Variants in METTL15 observed in about 807,000 individuals in gnomAD.
The protein encoded by METTL15 is 12S rRNA N(4)-cytidine methyltransferase METTL15.
METTL15 carries 34 observed loss-of-function variants against 38.3 expected under a neutral mutation model. That is an observed-to-expected ratio of 0.89 (90% CI 0.68 to 1.18). The LOEUF is 1.18. Among genes scored for constraint, METTL15 ranks in the 50% most tolerant of loss-of-function variants. The pLI, the probability that METTL15 is intolerant of heterozygous loss-of-function variation, is 0.00. For missense variants in METTL15, 438 were observed against 498.4 expected, an observed-to-expected ratio of 0.88 and a Z score of 1.15; for synonymous variants, 162 against 170.9, an observed-to-expected ratio of 0.95 and a Z score of 0.41.
At chr11:28,481,018 A>G (rs1326376735) in intron 6 of METTL15, among the ~76,000 whole-genome samples, 1 of 152,220 alleles carries the variant, frequency 6.6e-6, no homozygotes, top group African/African-American at 2.4e-5. Flanking sequence ...AGAGAGAAAG[A>G]ATAACGTATT....
At chr11:28,523,734 G>A (rs1851786307) in intron 6 of METTL15, among the ~76,000 whole-genome samples, 1 of 152,164 alleles carries the variant, frequency 6.6e-6, no homozygotes, top group Admixed American at 6.5e-5. Flanking sequence ...CTTAAAGGTT[G>A]GATAAATGAA....
chr11:28,203,863 A>G lies in METTL15; in HGVS notation c.271-7199A>G, dbSNP rs577268843. On this transcript the variant is annotated intron_variant, in intron 3 of 6. Coordinates refer to ENST00000407364, the MANE Select transcript of METTL15 (RefSeq NM_001113528.2). ...AAAAACATGGTGCAAAAGAGTTAAT[A>G]ACAGATCATTATTTGTGTTCTAGGA... Among the ~76,000 whole-genome samples the G allele has an allele frequency of 4.6e-5, 7 of 152,236 alleles. No individual in the cohort carries two copies. In the South Asian group the frequency reaches 1.4e-3, roughly 32 times the overall value.
rs543366553 is a variant in METTL15 at position 28,373,519 on chromosome 11, C to T, written c.*358+11483C>T. 9.8e-4 allele frequency among the ~76,000 whole-genome samples: 149 copies of T among 152,016 alleles called. No homozygotes were observed. In the South Asian group the frequency reaches 0.013, roughly 13 times the overall value. ...TTCATTGTAGATTCTGGATATTAGC[C>T]CGTTGTCAGATGAGGAGGTTGCAAA... is the stretch of plus-strand genomic sequence containing the variant. On this transcript the variant is annotated intron_variant and NMD_transcript_variant, in intron 5 of 7. Coordinates refer to the METTL15 transcript ENST00000532947.
intron 4 of METTL15, among the ~76,000 whole-genome samples, chr11:28,237,435 C>T (rs530770338): frequency 6.6e-6 from 1 of 152,284 alleles, no homozygotes; most frequent in Admixed American, 6.5e-5. Context: ...GTTCTCGAGC[C>T]TTGGCTTTCA....
intron 3 of METTL15, among the ~76,000 whole-genome samples, chr11:28,342,289 G>A (rs1386077980): frequency 6.6e-6 from 1 of 151,622 alleles, no homozygotes; most frequent in African/African-American, 2.4e-5. Context: ...TGTGATACAG[G>A]GTCTTGCTCT....
At chr11:28,217,117 G>A (rs1042210369) in intron 4 of METTL15, among the ~76,000 whole-genome samples, 9 of 152,196 alleles carry the variant, frequency 5.9e-5, no homozygotes, top group Admixed American at 3.3e-4. Context: ...TCTAATTCTA[G>A]ATCCCTGAGG....
At chr11:28,129,020 C>T (rs1288835477) in intron 3 of METTL15, among the ~76,000 whole-genome samples, 1 of 152,066 alleles carries the variant, frequency 6.6e-6, no homozygotes, top group East Asian at 1.9e-4. Flanking sequence ...TTTTTGTTTA[C>T]ATGGTCCTTT....
At chr11:28,272,581 C>G (rs1402052912) in intron 4 of METTL15, among the ~76,000 whole-genome samples, 1 of 152,084 alleles carries the variant, frequency 6.6e-6, no homozygotes, top group East Asian at 1.9e-4. Context: ...GGTGTGCGTT[C>G]AGGACAGGGA....
rs527819666 is a variant in METTL15 at position 28,108,436 on chromosome 11, C to G, written c.-270C>G. ...CCTGTAGACCGGCGGGTGCAGGGCC[C>G]GGTCCCAGAGTTAAGGGTGTGAGTG... On this transcript the variant is annotated 5_prime_UTR_variant, in exon 1 of 7. Coordinates refer to ENST00000407364, the MANE Select transcript of METTL15 (RefSeq NM_001113528.2). 1 of 152,498 alleles carries G rather than the reference C, an allele frequency of 6.6e-6. No homozygotes were observed. The highest frequency in any genetic ancestry group is 1.5e-5 in the Non-Finnish European group (1 of 68,286). 9.4% of individuals were successfully genotyped at this position (152,498 alleles called of 1,614,324 possible).
intron 4 of METTL15, among the ~76,000 whole-genome samples, chr11:28,282,676 T>C (rs1490085993): frequency 6.6e-6 from 1 of 152,140 alleles, no homozygotes; most frequent in Non-Finnish European, 1.5e-5. Flanking sequence ...TGCCCTACAT[T>C]GTTACTTTGA....
chr11:28,146,098 A>C (rs527845926), intron 3 of METTL15, among the ~76,000 whole-genome samples: 1 of 152,190 alleles, frequency 6.6e-6, no homozygotes, highest in Non-Finnish European at 1.5e-5. Context: ...TGCAAGACTG[A>C]TTTTAAAATA....
At chr11:28,356,153 A>G (rs1353202230) in intron 4 of METTL15, among the ~76,000 whole-genome samples, 2 of 152,168 alleles carry the variant, frequency 1.3e-5, no homozygotes, top group African/African-American at 2.4e-5. Flanking sequence ...CCTTCTACCT[A>G]AAGTTGCCTT....
intron 6 of METTL15, among the ~76,000 whole-genome samples, chr11:28,463,884 T>C (rs1485424871): frequency 6.6e-6 from 1 of 152,084 alleles, no homozygotes; most frequent in Non-Finnish European, 1.5e-5. Flanking sequence ...TGGGTACTTC[T>C]ACCACTGGGT....
intron 6 of METTL15, among the ~76,000 whole-genome samples, chr11:28,477,829 T>C (rs1828124144): frequency 6.6e-6 from 1 of 152,212 alleles, no homozygotes; most frequent in South Asian, 2.1e-4. Flanking sequence ...TCAATATTTA[T>C]TTGTTTTTTA....
intron 4 of METTL15, chr11:28,287,496 A>G: frequency 8.0e-6 from 3 of 376,286 alleles, no homozygotes; most frequent in South Asian, 4.5e-5. Flanking sequence ...CCATGTAATC[A>G]TGCTGCATCA....
chr11:28,222,847 G>C (rs892918725), intron 4 of METTL15, among the ~76,000 whole-genome samples: 2 of 152,110 alleles, frequency 1.3e-5, no homozygotes, highest in African/African-American at 2.4e-5. Context: ...ATAGGAAAAA[G>C]ATTGATATCT....
chr11:28,462,479 TACACAC>T (rs10573384), intron 6 of METTL15, among the ~76,000 whole-genome samples: 9,396 of 146,350 alleles, frequency 0.064, 579 homozygotes, highest in African/African-American at 0.17. Context: ...CATACACGCT[TACACAC>T]ACACACACAC....
At chr11:28,175,412 A>G (rs1379742407) in intron 3 of METTL15, among the ~76,000 whole-genome samples, 1 of 152,264 alleles carries the variant, frequency 6.6e-6, no homozygotes, top group South Asian at 2.1e-4. Context: ...AAACATACGT[A>G]TGCATGTGTC....
intron 3 of METTL15, among the ~76,000 whole-genome samples, chr11:28,122,991 A>G (rs965720419): frequency 6.6e-6 from 1 of 152,132 alleles, no homozygotes; most frequent in African/African-American, 2.4e-5. Context: ...TTCATAGTTG[A>G]TAAAAATGTT....
Sources: gnomAD v4.1 joint callset for allele counts (sites outside exome capture counted in the v4.1 genomes callset) on GRCh38, gnomAD v4.1.1 for gene constraint, MANE v1.5 for transcripts, NCBI Gene and HGNC (gene_info 2026-07-23, HGNC 2026-07-21) for gene names.